The following DRC3 variants were observed in gnomAD, a reference collection of about 807,000 sequenced individuals.
The protein encoded by DRC3 is dynein regulatory complex subunit 3.
Under a neutral mutation model 57.6 loss-of-function variants are expected in DRC3, and 45 were observed. The ratio of observed to expected loss-of-function variants is 0.78; its 90% confidence interval spans 0.62 to 1.00. DRC3 has a LOEUF of 1.00. Among genes scored for constraint, DRC3 ranks in the 50% least tolerant of loss-of-function variants. DRC3 has a pLI of 0.00. For missense variants in DRC3, 655 were observed against 675.2 expected (o/e 0.97, Z 0.33); for synonymous variants, 257 against 272.3 (o/e 0.94, Z 0.55).
intron 8 of DRC3, among the ~76,000 whole-genome samples, chr17:17,996,372 T>C (rs1199275978): frequency 6.6e-6 from 1 of 152,192 alleles, no homozygotes; most frequent in East Asian, 1.9e-4. Context: ...CTCACAATCA[T>C]GGCAGAAGGC....
chr17:17,994,559 C>T (rs2043376402), intron 7 of DRC3, 141 bp downstream of exon 7: 2 of 1,216,832 alleles, frequency 1.6e-6, no homozygotes, highest in Non-Finnish European at 1.1e-6. Context: ...GATGCCCTCT[C>T]CCTTCCTGGC....
At chr17:18,005,055 C>T (rs2043898141) in intron 10 of DRC3, 1 of 153,226 alleles carries the variant, frequency 6.5e-6, no homozygotes, top group Admixed American at 6.5e-5. Context: ...TAATCAATTC[C>T]TCACACGTCA....
intron 5 of DRC3, among the ~76,000 whole-genome samples, chr17:17,988,811 C>T (rs1381885256): frequency 6.6e-6 from 1 of 152,148 alleles, no homozygotes; most frequent in East Asian, 1.9e-4. Context: ...GGGTCAAGCG[C>T]TGAGTTGTGA....
Position 18,007,343 on chromosome 17 carries a change from G to A in DRC3, c.1326+196G>A, listed in dbSNP as rs544055771. 41 of 1,520,928 alleles carry A rather than the reference G, an allele frequency of 2.7e-5. No individual in the cohort carries two copies. In the South Asian group the frequency reaches 3.4e-4, roughly 12 times the overall value. The allele number at this position is 1,520,928 out of a possible 1,614,324, so 94.2% of individuals were successfully genotyped here. On this transcript the variant is annotated intron_variant, in intron 12 of 13. Coordinates refer to ENST00000399187, the MANE Select transcript of DRC3 (RefSeq NM_031294.4). ...CAAAGCACCTGGTGGGGCACCCAGT[G>A]GGGCCCAGTTAAAGAGGAGCTCATG...
intron 3 of DRC3, 117 bp downstream of exon 3, chr17:17,977,875 A>C (rs568088158): frequency 9.6e-7 from 1 of 1,038,292 alleles, no homozygotes; most frequent in East Asian, 2.6e-5. Flanking sequence ...CCACATCAGC[A>C]TTAGGGCCTA....
intron 9 of DRC3, among the ~76,000 whole-genome samples, chr17:18,003,031 A>G (rs889718056): frequency 6.6e-6 from 1 of 152,210 alleles, no homozygotes; most frequent in African/African-American, 2.4e-5. Context: ...TTATATACTT[A>G]GTTGGACAGA....
chr17:17,983,846 A>G lies in DRC3; in HGVS notation c.179A>G (p.Asn60Ser). The G allele has an allele frequency of 6.2e-7, 1 of 1,613,004 alleles. No individual in the cohort carries two copies. The highest frequency in any genetic ancestry group is 8.5e-7 in the Non-Finnish European group (1 of 1,179,226). Reference protein sequence around the residue: ...LDFRNILRIDNLWQFENLRKL... With the variant: ...LDFRNILRIDSLWQFENLRKL... ...ATTTCAGACATCCTCCGCATAGACA[A>G]CCTCTGGCAGTTTGAGAACTTGAGG... Residue 60 changes from asparagine to serine, a missense_variant, in exon 4 of 14, where the codon AAC becomes AGC. Transcript: ENST00000399187.
chr17:17,978,276 ACCAGGCGGAC>A (rs1325194772), intron 3 of DRC3, among the ~76,000 whole-genome samples: 1 of 152,136 alleles, frequency 6.6e-6, no homozygotes, highest in Non-Finnish European at 1.5e-5. Flanking sequence ...GTGGCTCAGG[ACCAGGCGGAC>A]CCTCACTGCT....
At chr17:18,004,045 C>T (rs1597626747) in intron 9 of DRC3, among the ~76,000 whole-genome samples, 1 of 152,110 alleles carries the variant, frequency 6.6e-6, no homozygotes, top group African/African-American at 2.4e-5. Flanking sequence ...GCTCCTTCTA[C>T]CCTGCCTACC....
intron 3 of DRC3, among the ~76,000 whole-genome samples, chr17:17,979,754 C>T (rs1454140372): frequency 1.3e-5 from 2 of 152,160 alleles, no homozygotes; most frequent in Non-Finnish European, 1.5e-5. Context: ...CCTGGAAAAT[C>T]CAACCCAGGG....
rs751012994 is a variant in DRC3, at chr17:17,997,486, G to T, written c.851G>T (p.Cys284Phe). 6.2e-7 allele frequency: 1 copy of T among 1,613,368 alleles called. No homozygotes were observed. The highest frequency in any genetic ancestry group is 1.7e-5 in the Admixed American group (1 of 59,864). The change falls in exon 9 of 14, where the codon TGC becomes TTC. Residue 284 changes from cysteine to phenylalanine, a missense_variant. By Grantham distance (205) the Cys-to-Phe change is radical (BLOSUM62 -2). Transcript: ENST00000399187. ...ETYKDKFVII[C>F]VNIFEYGLKQ... ...TACAAGGACAAGTTTGTCATCATCT[G>T]CGTGAATATTTTTGAGTATGGCCTG... is the stretch of plus-strand genomic sequence containing the variant.
At chr17:17,976,193 G>A (rs1240305985) in intron 2 of DRC3, among the ~76,000 whole-genome samples, 2 of 152,192 alleles carry the variant, frequency 1.3e-5, no homozygotes, top group Non-Finnish European at 2.9e-5. Flanking sequence ...CAGCAGGGAG[G>A]CAAGAATCAG....
At position 17,995,065 on chromosome 17, in the gene DRC3, G is replaced by T; in HGVS notation, c.778G>T (p.Gly260Cys). The T allele has an allele frequency of 6.2e-7, 1 of 1,613,920 alleles. No individual in the cohort carries two copies. Among genetic ancestry groups the T allele is most frequent in the Non-Finnish European group, 8.5e-7 (1 of 1,179,842 alleles). ...CAGCATGTACGCTGAGGACTCAGAG[G>T]GCAACAATCTGTCCTACCTGCCTGG... ...FDSMYAEDSE[G>C]NNLSYLPGVG... Residue 260 changes from glycine to cysteine, a missense_variant, in exon 8 of 14, where the codon GGC (glycine) becomes TGC (cysteine). By Grantham distance (159) the Gly-to-Cys change is radical. Transcript: ENST00000399187.
intron 11 of DRC3, 38 bp downstream of exon 11, chr17:18,006,291 C>G: frequency 2.7e-6 from 4 of 1,470,716 alleles, no homozygotes; most frequent in Non-Finnish European, 3.8e-6. Context: ...TGGGGAGGTG[C>G]TACAGAGCCC....
At chr17:17,994,554 C>A in intron 7 of DRC3, 136 bp downstream of exon 7, 4 of 1,240,260 alleles carry the variant, frequency 3.2e-6, no homozygotes, top group Non-Finnish European at 4.4e-6. Flanking sequence ...GGCCTGATGC[C>A]CTCTCCCTTC....
In DRC3 at chr17:17,972,876, C is replaced by T. The variant is rs1372313041; in HGVS notation, c.-227C>T. 1 of 152,992 alleles carries T rather than the reference C, an allele frequency of 6.5e-6. No individual in the cohort carries two copies. The highest frequency in any genetic ancestry group is 1.5e-5 in the Non-Finnish European group (1 of 68,078). 9.5% of individuals were successfully genotyped at this position (152,992 alleles called of 1,614,324 possible). On this transcript the variant is annotated 5_prime_UTR_variant, in exon 1 of 14. Coordinates refer to ENST00000399187, the MANE Select transcript of DRC3 (RefSeq NM_031294.4). The stretch of plus-strand genomic sequence containing the variant: ...AACTTTCACCCAGGATGTCTCCCTT[C>T]TGACTTCCCCTTAGCAACCAAGTCG...
At chr17:17,985,518 G>A (rs1332146226) in intron 4 of DRC3, among the ~76,000 whole-genome samples, 1 of 152,204 alleles carries the variant, frequency 6.6e-6, no homozygotes, top group Non-Finnish European at 1.5e-5. Flanking sequence ...GGGTTAGGGA[G>A]GTGGCACTCC....
chr17:18,014,602 G>A (rs894661840), intron 12 of DRC3, among the ~76,000 whole-genome samples: 9 of 152,154 alleles, frequency 5.9e-5, no homozygotes, highest in African/African-American at 2.2e-4. Flanking sequence ...TTCAGTTTCT[G>A]TTGCTTCTCA....
intron 6 of DRC3, chr17:17,993,490 A>G (rs983686715): frequency 7.2e-5 from 11 of 152,500 alleles, no homozygotes; most frequent in African/African-American, 2.4e-4. Flanking sequence ...TTAAAAAATT[A>G]GAAAAGAAAA....
Sources: allele counts gnomAD v4.1 joint callset (sites outside exome capture counted in the v4.1 genomes callset), GRCh38; gene constraint gnomAD v4.1.1; transcripts MANE v1.5; gene names NCBI Gene and HGNC (gene_info 2026-07-23, HGNC 2026-07-21).